Variants in NTM observed in about 807,000 individuals in gnomAD.
The protein encoded by NTM is IgLON family member 2.
NTM carries 13 observed loss-of-function variants against 42.1 expected under a neutral mutation model. That is an observed-to-expected ratio of 0.31 (90% CI 0.20 to 0.49). NTM has a LOEUF of 0.49. Among genes scored for constraint, NTM ranks in the 20% least tolerant of loss-of-function variants. NTM has a pLI of 0.99. For synonymous variants in NTM, 187 were observed against 179.2 expected (o/e 1.04, Z -0.35); for missense variants, 373 against 452.8 (o/e 0.82, Z 1.60).
At chr11:132,009,225 C>T (rs1400846508) in intron 2 of NTM, among the ~76,000 whole-genome samples, 2 of 152,204 alleles carry the variant, frequency 1.3e-5, no homozygotes, top group Non-Finnish European at 2.9e-5. Flanking sequence ...ACGCCTGTGC[C>T]TGCAAGAGTC....
chr11:132,049,807 G>A (rs751284279), intron 2 of NTM, among the ~76,000 whole-genome samples: 6 of 152,172 alleles, frequency 3.9e-5, no homozygotes, highest in Non-Finnish European at 8.8e-5. Flanking sequence ...CATGAGGATG[G>A]CCACCAAGGT....
chr11:132,145,944 T>C (rs1239855825), intron 2 of NTM, among the ~76,000 whole-genome samples: 2 of 152,194 alleles, frequency 1.3e-5, no homozygotes, highest in Non-Finnish European at 2.9e-5. Flanking sequence ...TATGAAGGAT[T>C]ATCATCACCC....
chr11:131,728,868 G>A (rs780511547), intron 1 of NTM, among the ~76,000 whole-genome samples: 9 of 152,170 alleles, frequency 5.9e-5, no homozygotes, highest in Non-Finnish European at 1.2e-4. Context: ...CCAACCACCA[G>A]TCAACTCATT....
intron 1 of NTM, among the ~76,000 whole-genome samples, chr11:131,751,686 G>T (rs2082561817): frequency 6.6e-6 from 1 of 152,120 alleles, no homozygotes; most frequent in Non-Finnish European, 1.5e-5. Context: ...CTTGAACCCG[G>T]GAGGCAGAGG....
intron 1 of NTM, chr11:131,660,977 T>C (rs2067961610): frequency 7.7e-7 from 1 of 1,304,218 alleles, no homozygotes; most frequent in Admixed American, 2.3e-5. Flanking sequence ...TTGGATGTTT[T>C]TAAAGTGGAA....
chr11:132,106,334 G>A (rs778105024), intron 2 of NTM, among the ~76,000 whole-genome samples: 2 of 152,234 alleles, frequency 1.3e-5, no homozygotes, highest in Non-Finnish European at 2.9e-5. Context: ...CAAGATGGAA[G>A]TCATTGGAGA....
chr11:132,318,189 T>A (rs1190339880), intron 7 of NTM, among the ~76,000 whole-genome samples: 3 of 152,194 alleles, frequency 2.0e-5, no homozygotes, highest in Non-Finnish European at 4.4e-5. Flanking sequence ...CAGTGATTTC[T>A]AGGGGTGCTA....
intron 1 of NTM, among the ~76,000 whole-genome samples, chr11:131,867,999 T>C (rs2047398017): frequency 6.6e-6 from 1 of 152,174 alleles, no homozygotes; most frequent in South Asian, 2.1e-4. Flanking sequence ...AAACACACCC[T>C]GGAGTCTTGC....
chr11:132,016,490 G>A (rs929606441), intron 2 of NTM, among the ~76,000 whole-genome samples: 4 of 151,546 alleles, frequency 2.6e-5, no homozygotes, highest in Admixed American at 2.0e-4. Context: ...CCTTCTTATT[G>A]TGTAATAATA....
intron 1 of NTM, among the ~76,000 whole-genome samples, chr11:131,725,045 C>T (rs2078795755): frequency 6.6e-6 from 1 of 152,104 alleles, no homozygotes. Flanking sequence ...GTATCTTGTT[C>T]TTCCTGAATT....
chr11:132,112,342 A>G (rs2063322192), intron 2 of NTM, among the ~76,000 whole-genome samples: 1 of 152,228 alleles, frequency 6.6e-6, no homozygotes, highest in African/African-American at 2.4e-5. Flanking sequence ...ACAGAAGGGT[A>G]CAGCTCAACT....
chr11:131,839,504 T>C (rs2043955742), intron 1 of NTM, among the ~76,000 whole-genome samples: 1 of 152,202 alleles, frequency 6.6e-6, no homozygotes, highest in Non-Finnish European at 1.5e-5. Context: ...GCTATCCTGC[T>C]CAGTGTGCAG....
At position 132,268,672 on chromosome 11, in the gene NTM, G is replaced by C. The variant is rs555312099; in HGVS notation, c.527-39017G>C. 8.0e-4 allele frequency among the ~76,000 whole-genome samples: 114 copies of C among 141,802 alleles called. 1 individual carries two copies. Among genetic ancestry groups the C allele is most frequent in the East Asian group, 1.6e-3 (8 of 5,064 alleles). The allele number at this position is 141,802 out of a possible 152,430, so 93.0% of individuals were successfully genotyped here. A position where few individuals can be genotyped will look rare whatever the true frequency, so the allele number is the denominator to read the frequency against. On this transcript the variant is annotated intron_variant, in intron 4 of 8. Transcript: ENST00000683400. The stretch of plus-strand genomic sequence containing the variant: ...GGTGTGGGGTCCTCTCTCTCTCTCT[G>C]TGTGTGTGTGTGTGTGTGTGTGTGT...
chr11:131,602,353 G>A (rs1235342749), intron 1 of NTM, among the ~76,000 whole-genome samples: 1 of 152,134 alleles, frequency 6.6e-6, no homozygotes, highest in Non-Finnish European at 1.5e-5. Context: ...TTCAGAGCCT[G>A]GTCTGGGTGG....
chr11:132,165,024 G>C (rs1385382239), intron 3 of NTM, among the ~76,000 whole-genome samples: 1 of 152,062 alleles, frequency 6.6e-6, no homozygotes, highest in Non-Finnish European at 1.5e-5. Flanking sequence ...ATAGTCTTCT[G>C]TTCTTCTCAC....
Position 131,686,772 on chromosome 11 carries a change from C to T in NTM, c.83-224792C>T, listed in dbSNP as rs993867689. Among the ~76,000 whole-genome samples, 3 of 152,280 alleles carry T rather than the reference C, an allele frequency of 2.0e-5. No individual in the cohort carries two copies. In the East Asian group the frequency reaches 5.8e-4, roughly 29 times the overall value. On this transcript the variant is annotated intron_variant, in intron 1 of 8. Coordinates refer to ENST00000683400, the MANE Select transcript of NTM (RefSeq NM_001352005.2). ...ACGAGGCTGGCCGAGAGGCACAGAT[C>T]GGAATGGGGTCATTTCCTTTGATTT...
intron 1 of NTM, among the ~76,000 whole-genome samples, chr11:131,703,047 A>C (rs1056056034): frequency 3.3e-5 from 5 of 152,242 alleles, no homozygotes; most frequent in African/African-American, 1.2e-4. Flanking sequence ...AAAAATCTAC[A>C]TAGATCCCAA....
chr11:132,167,450 T>C (rs1028821786), intron 3 of NTM, among the ~76,000 whole-genome samples: 3 of 152,214 alleles, frequency 2.0e-5, no homozygotes, highest in Non-Finnish European at 4.4e-5. Context: ...TCTAAAGAAG[T>C]TTCCTCATTA....
chr11:131,948,305 C>T (rs910151050), intron 2 of NTM, among the ~76,000 whole-genome samples: 4 of 151,054 alleles, frequency 2.6e-5, no homozygotes, highest in Non-Finnish European at 5.9e-5. Flanking sequence ...GCGGAGCTTG[C>T]AGTGAGCCGA....
Sources: allele counts gnomAD v4.1 joint callset (sites outside exome capture counted in the v4.1 genomes callset), GRCh38; gene constraint gnomAD v4.1.1; transcripts MANE v1.5; gene names NCBI Gene and HGNC (gene_info 2026-07-23, HGNC 2026-07-21).